The following SIDT1 variants were observed in gnomAD, a reference collection of about 807,000 sequenced individuals.
SIDT1 encodes SID1 transmembrane family member 1.
SIDT1 carries 101 observed loss-of-function variants against 107.5 expected under a neutral mutation model. That is an observed-to-expected ratio of 0.94 (90% CI 0.80 to 1.11). The LOEUF (loss-of-function observed/expected upper bound fraction) is 1.11, where lower values mean the gene tolerates loss of function less well. Ranked by LOEUF, SIDT1 falls within the 50% of genes least tolerant of loss-of-function variation. SIDT1 has a pLI of 0.00. For missense variants in SIDT1, 1,076 were observed against 1,058.2 expected, an observed-to-expected ratio of 1.02 and a Z score of -0.23; for synonymous variants, 395 against 398.2, an observed-to-expected ratio of 0.99 and a Z score of 0.10.
intron 23 of SIDT1, among the ~76,000 whole-genome samples, chr3:113,625,281 C>A (rs1471016208): frequency 6.6e-6 from 1 of 151,930 alleles, no homozygotes; most frequent in African/African-American, 2.4e-5. Context: ...GGACTACAGG[C>A]GCCCACCACC....
chr3:113,555,427 G>A (rs1375595910), intron 1 of SIDT1, among the ~76,000 whole-genome samples: 1 of 152,178 alleles, frequency 6.6e-6, no homozygotes, highest in African/African-American at 2.4e-5. Flanking sequence ...ACAGGATAGG[G>A]AGTCAAACAT....
intron 1 of SIDT1, among the ~76,000 whole-genome samples, chr3:113,562,707 A>G (rs1941543739): frequency 6.6e-6 from 1 of 152,214 alleles, no homozygotes; most frequent in Non-Finnish European, 1.5e-5. Context: ...GGGGGAAGGA[A>G]GGAATGAGGA....
chr3:113,536,999 A>G (rs1214005729), intron 1 of SIDT1, among the ~76,000 whole-genome samples: 1 of 152,220 alleles, frequency 6.6e-6, no homozygotes, highest in African/African-American at 2.4e-5. Context: ...GACAGAAGGC[A>G]CAAATGCAGG....
chr3:113,574,146 G>A (rs1942709451), intron 3 of SIDT1, among the ~76,000 whole-genome samples: 1 of 152,170 alleles, frequency 6.6e-6, no homozygotes, highest in African/African-American at 2.4e-5. Flanking sequence ...AAACAAAGAG[G>A]TAGAAAGGCA....
rs749833085 is a variant in SIDT1 at position 113,533,095 on chromosome 3, C to T, written c.74C>T (p.Pro25Leu). 6.6e-7 allele frequency: 1 copy of T among 1,521,854 alleles called. No homozygotes were observed. The highest frequency in any genetic ancestry group is 1.2e-5 in the South Asian group (1 of 80,104). 94.3% of individuals were successfully genotyped at this position (1,521,854 alleles called of 1,614,324 possible). ...CTGCTGGCGGCGTCGCCCGGGCACCCGGCGAAATCCCCCAGGCAGCCCCCG... is the reference window on the plus strand; with the variant it reads ...CTGCTGGCGGCGTCGCCCGGGCACCTGGCGAAATCCCCCAGGCAGCCCCCG... The part of the protein sequence containing the change: ...WLLLAASPGH[P>L]AKSPRQPPAP... The change falls in exon 1 of 25, where the codon CCG becomes CTG. Residue 25 changes from proline (P) to leucine (L), a missense_variant. By Grantham distance (98) the Pro-to-Leu change is moderately conservative. Transcript: ENST00000264852.
intron 10 of SIDT1, among the ~76,000 whole-genome samples, chr3:113,598,942 C>T (rs1323297839): frequency 6.6e-6 from 1 of 152,138 alleles, no homozygotes; most frequent in Non-Finnish European, 1.5e-5. Flanking sequence ...GCCTCGTCAA[C>T]CTAGGGAGAT....
chr3:113,563,973 G>T (rs999185219), intron 1 of SIDT1, among the ~76,000 whole-genome samples: 9 of 151,768 alleles, frequency 5.9e-5, no homozygotes, highest in Non-Finnish European at 1.3e-4. Flanking sequence ...TTGAGATGGA[G>T]TTTCACTCTT....
intron 2 of SIDT1, 61 bp from the exon 3 acceptor site, chr3:113,567,479 T>C: frequency 7.2e-7 from 1 of 1,380,776 alleles, no homozygotes. Flanking sequence ...CTTTCCCTGC[T>C]CATTCACTGA....
intron 1 of SIDT1, among the ~76,000 whole-genome samples, chr3:113,558,530 C>T (rs1254172733): frequency 1.3e-5 from 2 of 152,168 alleles, no homozygotes; most frequent in African/African-American, 4.8e-5. Context: ...ACAATGTCTC[C>T]TCGTGGAGTA....
chr3:113,576,170 T>C (rs556486029), intron 3 of SIDT1, among the ~76,000 whole-genome samples: 1 of 152,260 alleles, frequency 6.6e-6, no homozygotes, highest in Non-Finnish European at 1.5e-5. Context: ...CTCTTCACAC[T>C]CTCCTTTCTT....
intron 1 of SIDT1, among the ~76,000 whole-genome samples, chr3:113,554,102 A>C (rs555433807): frequency 6.6e-6 from 1 of 152,324 alleles, no homozygotes; most frequent in South Asian, 2.1e-4. Context: ...GGAGAGACAG[A>C]AAATGATTAG....
chr3:113,637,012 A>C, the SIDT1 span, among the ~76,000 whole-genome samples: 1 of 152,244 alleles, frequency 6.6e-6, no homozygotes, highest in Admixed American at 6.5e-5. Context: ...AAGTTATGCC[A>C]CTTTCCCAAA....
chr3:113,533,069 C>T lies in SIDT1; in HGVS notation c.48C>T (p.Leu16=). The change falls in exon 1 of 25, where the codon CTC becomes CTT. Residue 16 remains leucine, a synonymous_variant. Coordinates refer to ENST00000264852, the MANE Select transcript of SIDT1 (RefSeq NM_017699.3). ...RLALLCALPW[L]LLAASPGHPA... ...CGCTGCTCTGCGCGCTGCCCTGGCTCCTGCTGGCGGCGTCGCCCGGGCACC... is the reference window on the plus strand; with the variant it reads ...CGCTGCTCTGCGCGCTGCCCTGGCTTCTGCTGGCGGCGTCGCCCGGGCACC... 1 of 1,495,358 alleles carries T rather than the reference C, an allele frequency of 6.7e-7. No homozygotes were observed. Among genetic ancestry groups the T allele is most frequent in the South Asian group, 1.3e-5 (1 of 77,500 alleles). The allele number at this position is 1,495,358 out of a possible 1,614,324, so 92.6% of individuals were successfully genotyped here.
At position 113,610,996 on chromosome 3, in the gene SIDT1, T is replaced by A. The variant is rs1302483404; in HGVS notation, c.1721-12T>A. The A allele has an allele frequency of 2.5e-6, 4 of 1,612,762 alleles. No individual in the cohort carries two copies. Among genetic ancestry groups the A allele is most frequent in the Non-Finnish European group, 3.4e-6 (4 of 1,179,302 alleles). The stretch of plus-strand genomic sequence containing the variant: ...GAATCCTGATCATCTGGCTCCTCCT[T>A]TGGGTCCTCAGACACCTCCTTCATG... On this transcript the variant is annotated splice_polypyrimidine_tract_variant and intron_variant, in intron 17 of 24. Coordinates refer to ENST00000264852, the MANE Select transcript of SIDT1 (RefSeq NM_017699.3).
At chr3:113,563,338 G>A (rs1941605832) in intron 1 of SIDT1, among the ~76,000 whole-genome samples, 1 of 139,222 alleles carries the variant, frequency 7.2e-6, no homozygotes, top group Non-Finnish European at 1.5e-5. Context: ...ACGGATTAGA[G>A]GTTTAAATAA....
At chr3:113,570,761 C>T (rs866605853) in intron 3 of SIDT1, among the ~76,000 whole-genome samples, 3 of 152,150 alleles carry the variant, frequency 2.0e-5, no homozygotes, top group African/African-American at 4.8e-5. Context: ...AGAAGTAATT[C>T]GAAATCTCTA....
chr3:113,557,525 A>G (rs1420124423), intron 1 of SIDT1, among the ~76,000 whole-genome samples: 1 of 152,180 alleles, frequency 6.6e-6, no homozygotes, highest in Non-Finnish European at 1.5e-5. Flanking sequence ...ACAGAGACAC[A>G]CAGAGGGGGC....
At chr3:113,579,443 A>G (rs2107500156) in intron 4 of SIDT1, among the ~76,000 whole-genome samples, 1 of 152,244 alleles carries the variant, frequency 6.6e-6, no homozygotes. Context: ...TGGAAATTCC[A>G]TGCTCCTCAT....
At chr3:113,556,184 T>C (rs1277887197) in intron 1 of SIDT1, among the ~76,000 whole-genome samples, 5 of 152,262 alleles carry the variant, frequency 3.3e-5, no homozygotes, top group Admixed American at 2.0e-4. Flanking sequence ...CTATATATCT[T>C]TCTTTATTAT....
Sources: allele counts gnomAD v4.1 joint callset (sites outside exome capture counted in the v4.1 genomes callset), GRCh38; gene constraint gnomAD v4.1.1; transcripts MANE v1.5; gene names NCBI Gene and HGNC (gene_info 2026-07-23, HGNC 2026-07-21).